The following NEBL variants were observed in gnomAD, a reference collection of about 807,000 sequenced individuals.
NEBL encodes the protein LIM and SH3 protein 2.
A neutral mutation model predicts 140.2 loss-of-function variants in NEBL; 122 were observed. The observed-to-expected ratio is 0.87, with a 90% CI of 0.75 to 1.01. NEBL has a LOEUF of 1.01. Among genes scored for constraint, NEBL ranks in the 50% least tolerant of loss-of-function variants. The pLI is 0.00. For synonymous variants in NEBL, 436 were observed against 398.9 expected (o/e 1.09, Z -1.11); for missense variants, 1,365 against 1,231.3 (o/e 1.11, Z -1.62).
intron 2 of NEBL, 25 bp from the exon 3 acceptor site, chr10:20,889,974 AG>A: frequency 6.9e-7 from 1 of 1,458,954 alleles, no homozygotes; most frequent in Non-Finnish European, 9.5e-7. Context: ...GATTTACATA[AG>A]AAGAGAAAAA....
At chr10:21,007,067 A>C (rs1838165182) in intron 3 of NEBL, among the ~76,000 whole-genome samples, 1 of 152,172 alleles carries the variant, frequency 6.6e-6, no homozygotes, top group Non-Finnish European at 1.5e-5. Context: ...AGAAAGGATA[A>C]ACATTTCAGT....
intron 4 of NEBL, among the ~76,000 whole-genome samples, chr10:20,908,837 T>A (rs1323964903): frequency 6.6e-6 from 1 of 152,152 alleles, no homozygotes; most frequent in African/African-American, 2.4e-5. Flanking sequence ...CATTTTTAAA[T>A]GGGCATTTCA....
At chr10:21,057,049 C>T (rs1328802122) in intron 2 of NEBL, among the ~76,000 whole-genome samples, 6 of 151,984 alleles carry the variant, frequency 3.9e-5, no homozygotes, top group African/African-American at 1.5e-4. Flanking sequence ...CAAGTTTACT[C>T]CATTAAATGC....
At chr10:21,117,605 GC>G (rs1838342931) in intron 2 of NEBL, among the ~76,000 whole-genome samples, 1 of 152,168 alleles carries the variant, frequency 6.6e-6, no homozygotes, top group Admixed American at 6.5e-5. Context: ...TGTCTGTGCT[GC>G]TTGCCTAATG....
chr10:21,234,660 CA>C (rs1842325179), intron 3 of NEBL, among the ~76,000 whole-genome samples: 1 of 152,158 alleles, frequency 6.6e-6, no homozygotes. Context: ...TGCTCCAGCC[CA>C]CACTGCTATC....
At chr10:21,261,207 G>A (rs1433191406) in intron 1 of NEBL, among the ~76,000 whole-genome samples, 1 of 152,150 alleles carries the variant, frequency 6.6e-6, no homozygotes, top group Non-Finnish European at 1.5e-5. Flanking sequence ...CAAGGCAGTG[G>A]GAGCCACAAG....
At chr10:20,876,706 C>T (rs924778150) in intron 5 of NEBL, among the ~76,000 whole-genome samples, 1 of 152,246 alleles carries the variant, frequency 6.6e-6, no homozygotes, top group Non-Finnish European at 1.5e-5. Context: ...TCTGTATAGA[C>T]CACATTACTT....
chr10:20,921,238 A>G (rs1311264062), intron 4 of NEBL, among the ~76,000 whole-genome samples: 2 of 152,292 alleles, frequency 1.3e-5, no homozygotes, highest in Non-Finnish European at 2.9e-5. Flanking sequence ...TTGGAAAAAT[A>G]AGGACAAATT....
intron 3 of NEBL, among the ~76,000 whole-genome samples, chr10:20,981,018 G>A (rs994588996): frequency 6.6e-6 from 1 of 151,998 alleles, no homozygotes; most frequent in South Asian, 2.1e-4. Context: ...TCAAACTCCT[G>A]GCCCCAAGCG....
chr10:21,087,741 C>A (rs1314750082), intron 2 of NEBL, among the ~76,000 whole-genome samples: 1 of 152,122 alleles, frequency 6.6e-6, no homozygotes, highest in African/African-American at 2.4e-5. Flanking sequence ...ATTTCTCCAC[C>A]CTAGTTTGCA....
chr10:20,815,670 A>C lies in NEBL; in HGVS notation c.2196T>G (p.Thr732=), dbSNP rs754872523. The change falls in exon 22 of 28, where the codon ACT becomes ACG. Residue 732 remains threonine (T), a synonymous_variant. Coordinates refer to ENST00000377122, the MANE Select transcript of NEBL (RefSeq NM_006393.3). ...TCTTCTTCACTCTTTCCATTTCAGG[A>C]GTTACACTTAAAGTGGTAGCTCTTC... ...QLGRATTLSV[T]PEMERVKKNQ... is the part of the protein sequence containing the mutation. 6 of 1,613,116 alleles carry C rather than the reference A, an allele frequency of 3.7e-6. No individual in the cohort carries two copies. The Admixed American group carries it at 1.0e-4, about 27-fold the overall frequency.
At chr10:21,132,029 T>TTCAG (rs146823462) in intron 2 of NEBL, among the ~76,000 whole-genome samples, 38,909 of 151,852 alleles carry the variant, frequency 0.26, 5,596 homozygotes, top group East Asian at 0.4. Flanking sequence ...AAATGTATAA[T>TTCAG]TCAGTTTTAG....
intron 13 of NEBL, among the ~76,000 whole-genome samples, chr10:20,836,259 C>T (rs1020989449): frequency 1.3e-5 from 2 of 151,936 alleles, no homozygotes; most frequent in South Asian, 4.2e-4. Flanking sequence ...GTCTTGCTCT[C>T]TCGCGCAGGC....
intron 2 of NEBL, among the ~76,000 whole-genome samples, chr10:21,147,262 C>T (rs1589283765): frequency 6.6e-6 from 1 of 152,118 alleles, no homozygotes; most frequent in South Asian, 2.1e-4. Context: ...TCTCATTGCA[C>T]GTTAGCCATT....
At chr10:21,171,345 A>T (rs1283144969) in intron 2 of NEBL, among the ~76,000 whole-genome samples, 3,661 of 96,134 alleles carry the variant, frequency 0.038, 187 homozygotes, top group African/African-American at 0.16. Context: ...CAAAAAAAAA[A>T]AAAAGAAAAA....
At chr10:21,097,446 G>A (rs193233333) in intron 2 of NEBL, among the ~76,000 whole-genome samples, 1 of 152,260 alleles carries the variant, frequency 6.6e-6, no homozygotes, top group East Asian at 1.9e-4. Context: ...GCAACAGAGT[G>A]AGACTCTGTC....
intron 2 of NEBL, among the ~76,000 whole-genome samples, chr10:21,132,433 T>G (rs73609203): frequency 6.6e-6 from 1 of 152,212 alleles, no homozygotes. Flanking sequence ...TTATGCATAA[T>G]GCTTCTGTGA....
chr10:21,168,105 T>C (rs983326611), intron 2 of NEBL, among the ~76,000 whole-genome samples: 2 of 152,218 alleles, frequency 1.3e-5, no homozygotes, highest in African/African-American at 2.4e-5. Flanking sequence ...ATTTTATACA[T>C]GTTCTCCTTT....
intron 27 of NEBL, 113 bp downstream of exon 27, chr10:20,787,089 A>G: frequency 1.1e-6 from 1 of 926,190 alleles, no homozygotes; most frequent in Non-Finnish European, 1.7e-6. Flanking sequence ...ATCATCATTT[A>G]TCTTTAAATG....
Sources: allele counts gnomAD v4.1 joint callset (sites outside exome capture counted in the v4.1 genomes callset), GRCh38; gene constraint gnomAD v4.1.1; transcripts MANE v1.5; gene names NCBI Gene and HGNC (gene_info 2026-07-23, HGNC 2026-07-21).